The following PAK5 variants were observed in gnomAD, a reference collection of about 807,000 sequenced individuals.
PAK5 encodes serine/threonine-protein kinase PAK 5.
PAK5 carries 16 observed loss-of-function variants against 65.9 expected under a neutral mutation model. The ratio of observed to expected loss-of-function variants is 0.24; its 90% CI spans 0.16 to 0.37. The LOEUF (loss-of-function observed/expected upper bound fraction) is 0.37. Among genes scored for constraint, PAK5 ranks in the 10% least tolerant of loss-of-function variants. The probability of loss-of-function intolerance (pLI) is 1.00; values close to 1 mark genes in which losing one functional copy is unlikely to be tolerated. For missense variants in PAK5, 785 were observed against 903.9 expected, an observed-to-expected ratio of 0.87 and a Z score of 1.69; for synonymous variants, 371 against 354.9, an observed-to-expected ratio of 1.05 and a Z score of -0.51.
intron 1 of PAK5, among the ~76,000 whole-genome samples, chr20:9,724,962 T>C (rs1423106587): frequency 2.0e-5 from 3 of 152,196 alleles, no homozygotes; most frequent in African/African-American, 7.2e-5. Flanking sequence ...TTTACCCTGA[T>C]GTGATTATTA....
At chr20:9,734,761 C>T (rs569373635) in intron 1 of PAK5, among the ~76,000 whole-genome samples, 5 of 152,222 alleles carry the variant, frequency 3.3e-5, no homozygotes, top group African/African-American at 7.2e-5. Context: ...TTAATAAAGT[C>T]GTCTAGCAAA....
chr20:9,544,861 A>G (rs904918834), intron 7 of PAK5, among the ~76,000 whole-genome samples: 1 of 152,232 alleles, frequency 6.6e-6, no homozygotes, highest in Non-Finnish European at 1.5e-5. Context: ...TTTCATATAC[A>G]TAAGTTGCTA....
chr20:9,682,662 G>C (rs2047666164), intron 2 of PAK5, among the ~76,000 whole-genome samples: 1 of 152,200 alleles, frequency 6.6e-6, no homozygotes, highest in Non-Finnish European at 1.5e-5. Flanking sequence ...AAAACATATT[G>C]AGGTGAACCC....
chr20:9,552,637 T>G (rs2045445999), intron 7 of PAK5, among the ~76,000 whole-genome samples: 1 of 152,174 alleles, frequency 6.6e-6, no homozygotes, highest in Non-Finnish European at 1.5e-5. Context: ...ATCTAGTCTT[T>G]TGAGAGGACA....
chr20:9,549,537 A>C (rs1398554216), intron 7 of PAK5, among the ~76,000 whole-genome samples: 1 of 152,148 alleles, frequency 6.6e-6, no homozygotes, highest in Non-Finnish European at 1.5e-5. Context: ...AAATCTTGCA[A>C]TATTTTAAAA....
chr20:9,808,106 A>G (rs1214132409), intron 1 of PAK5, among the ~76,000 whole-genome samples: 1 of 152,226 alleles, frequency 6.6e-6, no homozygotes, highest in Non-Finnish European at 1.5e-5. Context: ...TTGTACCACC[A>G]GTGAAACTGA....
chr20:9,766,358 T>TATATATATTCTACTTACTTGA (rs1569079009), intron 1 of PAK5, among the ~76,000 whole-genome samples: 53 of 50,500 alleles, frequency 1.0e-3, no homozygotes, highest in East Asian at 2.1e-3. Context: ...CTTACTTGAA[T>TATATATATTCTACTTACTTGA]ATATATATAT....
chr20:9,549,171 G>C (rs1454661511), intron 7 of PAK5, among the ~76,000 whole-genome samples: 1 of 152,106 alleles, frequency 6.6e-6, no homozygotes, highest in Admixed American at 6.6e-5. Context: ...TGCAGAAGGA[G>C]AGAAAGAGGA....
intron 1 of PAK5, among the ~76,000 whole-genome samples, chr20:9,762,495 A>G (rs929702120): frequency 1.1e-4 from 16 of 152,248 alleles, no homozygotes; most frequent in Admixed American, 3.3e-4. Context: ...AAGACAAACA[A>G]ATGGCCAACT....
chr20:9,739,868 T>C (rs1336341071), intron 1 of PAK5, among the ~76,000 whole-genome samples: 1 of 152,086 alleles, frequency 6.6e-6, no homozygotes, highest in Non-Finnish European at 1.5e-5. Flanking sequence ...AAGATAAAAG[T>C]GAGGGTCAAA....
chr20:9,580,868 A>T lies in PAK5; in HGVS notation c.267T>A (p.Phe89Leu). 6.2e-7 allele frequency: 1 copy of T among 1,613,026 alleles called. No individual in the cohort carries two copies. The highest frequency in any genetic ancestry group is 1.1e-5 in the South Asian group (1 of 91,034). ...ETSINGLLED[F>L]DNISVTRSNS... ...TGGAGCGAGTCACCGAGATGTTGTC[A>T]AAATCCTCTAGCAGGCCGTTGATGG... Residue 89 changes from phenylalanine (F) to leucine (L), a missense_variant, in exon 4 of 10, where the codon TTT (phenylalanine) becomes TTA (leucine). Coordinates refer to ENST00000353224, the MANE Select transcript of PAK5 (RefSeq NM_177990.4).
At chr20:9,619,911 T>G (rs1437372412) in intron 3 of PAK5, among the ~76,000 whole-genome samples, 1 of 152,244 alleles carries the variant, frequency 6.6e-6, no homozygotes, top group Non-Finnish European at 1.5e-5. Flanking sequence ...CAATCATTAG[T>G]GCTCTCAGCC....
intron 1 of PAK5, among the ~76,000 whole-genome samples, chr20:9,779,354 A>ATATATATATATAAT (rs1555925863): frequency 2.7e-5 from 4 of 149,066 alleles, no homozygotes; most frequent in Non-Finnish European, 4.5e-5. Context: ...TTTGTCTAAT[A>ATATATATATATAAT]TATATATATA....
intron 2 of PAK5, among the ~76,000 whole-genome samples, chr20:9,678,786 C>A (rs2047610420): frequency 6.6e-6 from 1 of 152,082 alleles, no homozygotes; most frequent in Admixed American, 6.6e-5. Context: ...AGAACTTACT[C>A]ACTATCATGA....
intron 8 of PAK5, 121 bp downstream of exon 8, chr20:9,544,248 G>T: frequency 9.4e-7 from 1 of 1,064,466 alleles, no homozygotes; most frequent in Middle Eastern, 3.1e-4. Context: ...TAGTGAGTGG[G>T]GATCAAATGT....
intron 2 of PAK5, among the ~76,000 whole-genome samples, chr20:9,700,634 G>C (rs1427696204): frequency 6.6e-6 from 1 of 152,146 alleles, no homozygotes; most frequent in Non-Finnish European, 1.5e-5. Context: ...CCACTAGGCT[G>C]TTATACCAGG....
chr20:9,641,844 C>T (rs1246638521), intron 3 of PAK5, among the ~76,000 whole-genome samples: 2 of 152,182 alleles, frequency 1.3e-5, no homozygotes, highest in East Asian at 1.9e-4. Context: ...GCTAAGTTCC[C>T]CATTGCCCGG....
At chr20:9,818,231 T>C (rs2049380632) in intron 1 of PAK5, among the ~76,000 whole-genome samples, 1 of 152,218 alleles carries the variant, frequency 6.6e-6, no homozygotes, top group Non-Finnish European at 1.5e-5. Context: ...TGTCTGATCA[T>C]GCTGGACTGT....
chr20:9,595,516 G>T (rs1603238501), intron 3 of PAK5, among the ~76,000 whole-genome samples: 5 of 151,774 alleles, frequency 3.3e-5, no homozygotes, highest in South Asian at 2.1e-4. Flanking sequence ...TCTTCTCTAA[G>T]TTATATCTCA....
Sources: allele counts gnomAD v4.1 joint callset (sites outside exome capture counted in the v4.1 genomes callset), GRCh38; gene constraint gnomAD v4.1.1; transcripts MANE v1.5; gene names NCBI Gene and HGNC (gene_info 2026-07-23, HGNC 2026-07-21).